NRP1: variants seen among roughly 807,000 people sequenced by gnomAD.
NRP1 encodes neuropilin-1.
Under a neutral mutation model 106.7 loss-of-function variants are expected in NRP1, and 35 were observed. The ratio of observed to expected loss-of-function variants is 0.33; its 90% CI spans 0.25 to 0.43. The LOEUF (loss-of-function observed/expected upper bound fraction) is 0.43, where lower values mean the gene tolerates loss of function less well. NRP1 is among the 20% of genes least tolerant of loss of function. The pLI is 1.00. For synonymous variants in NRP1, 437 were observed against 417.9 expected, an observed-to-expected ratio of 1.05 and a Z score of -0.56; for missense variants, 1,024 against 1,170.4, an observed-to-expected ratio of 0.87 and a Z score of 1.83.
chr10:33,228,214 T>C (rs932243040), intron 6 of NRP1, among the ~76,000 whole-genome samples: 4 of 152,042 alleles, frequency 2.6e-5, no homozygotes, highest in African/African-American at 9.7e-5. Context: ...TTACAACTAC[T>C]AGCATTGACA....
intron 6 of NRP1, among the ~76,000 whole-genome samples, chr10:33,251,273 C>G (rs570892025): frequency 0.013 from 2,001 of 152,302 alleles, 53 homozygotes; most frequent in African/African-American, 0.046. Context: ...CTTAACTTTC[C>G]TGCTTCCCCT....
At chr10:33,273,162 A>G (rs1402191701) in intron 2 of NRP1, among the ~76,000 whole-genome samples, 1 of 152,110 alleles carries the variant, frequency 6.6e-6, no homozygotes, top group Non-Finnish European at 1.5e-5. Flanking sequence ...GTTAAGTGCC[A>G]ATTTTAGGAA....
intron 9 of NRP1, among the ~76,000 whole-genome samples, chr10:33,208,262 A>G (rs1837980081): frequency 6.6e-6 from 1 of 152,170 alleles, no homozygotes; most frequent in African/African-American, 2.4e-5. Context: ...GATGTTGCCC[A>G]GGCTGGTCTC....
chr10:33,180,456 A>T, intron 16 of NRP1, 91 bp from the exon 17 acceptor site: 2 of 1,277,816 alleles, frequency 1.6e-6, no homozygotes, highest in African/African-American at 1.5e-5. Context: ...AACAGGAGCA[A>T]ATCACACACC....
chr10:33,322,813 A>G (rs1847613810), intron 2 of NRP1, among the ~76,000 whole-genome samples: 1 of 152,366 alleles, frequency 6.6e-6, no homozygotes, highest in East Asian at 1.9e-4. Context: ...TTATACTTAA[A>G]CTTTCCTGAG....
chr10:33,284,780 A>T (rs537115708), intron 2 of NRP1, among the ~76,000 whole-genome samples: 1 of 152,332 alleles, frequency 6.6e-6, no homozygotes, highest in Admixed American at 6.5e-5. Flanking sequence ...TCTGAGAGTT[A>T]TGAAACCCTG....
Position 33,188,910 on chromosome 10 carries a change from A to AATATATATATATATATATATATAT in NRP1, c.2063-2446_2063-2423dup, listed in dbSNP as rs9299704. Among the ~76,000 whole-genome samples, 194 of 111,288 alleles carry AATATATATATATATATATATATAT rather than the reference A, an allele frequency of 1.7e-3. 1 individual carries two copies. The highest frequency in any genetic ancestry group is 3.2e-3 in the East Asian group (9 of 2,786). The allele number at this position is 111,288 out of a possible 152,430, so 73.0% of individuals were successfully genotyped here. The stretch of plus-strand genomic sequence containing the variant: ...CCTAGGCAACAGAGACCCTGTCTTA[A>AATATATATATATATATATATATAT]ATATATATATATATATATATATATA... On this transcript the variant is annotated intron_variant, in intron 13 of 16. Coordinates refer to ENST00000374867, the MANE Select transcript of NRP1 (RefSeq NM_003873.7).
chr10:33,204,999 T>C (rs1373538236), intron 10 of NRP1, among the ~76,000 whole-genome samples: 1 of 152,224 alleles, frequency 6.6e-6, no homozygotes, highest in East Asian at 1.9e-4. Flanking sequence ...CCCAAAGTGC[T>C]GGGATTACAG....
At chr10:33,310,247 C>T (rs1023112312) in intron 2 of NRP1, among the ~76,000 whole-genome samples, 1 of 83,302 alleles carries the variant, frequency 1.2e-5, no homozygotes, top group Non-Finnish European at 2.7e-5. Flanking sequence ...CTGCGCCCGG[C>T]CTTTTTTTTT....
At chr10:33,329,122 A>G (rs928941359) in intron 2 of NRP1, among the ~76,000 whole-genome samples, 2 of 152,240 alleles carry the variant, frequency 1.3e-5, no homozygotes, top group African/African-American at 2.4e-5. Flanking sequence ...AAAAACCACC[A>G]TAAAGAATAT....
At chr10:33,266,385 G>C (rs1018355482) in intron 3 of NRP1, among the ~76,000 whole-genome samples, 2 of 152,162 alleles carry the variant, frequency 1.3e-5, no homozygotes, top group Admixed American at 6.5e-5. Context: ...GTGTAAACTT[G>C]GGTGGCCTCT....
intron 2 of NRP1, among the ~76,000 whole-genome samples, chr10:33,305,157 T>G (rs1846058746): frequency 6.6e-6 from 1 of 152,228 alleles, no homozygotes; most frequent in African/African-American, 2.4e-5. Flanking sequence ...TATCATATAT[T>G]TAGGTGAATA....
At chr10:33,220,585 G>A (rs10827216) in intron 8 of NRP1, among the ~76,000 whole-genome samples, 74,837 of 152,024 alleles carry the variant, frequency 0.49, 18,599 homozygotes, top group East Asian at 0.75. Flanking sequence ...GCAGAATATA[G>A]CATAGTCATG....
intron 16 of NRP1, among the ~76,000 whole-genome samples, chr10:33,180,920 G>C (rs927363263): frequency 6.6e-6 from 1 of 152,210 alleles, no homozygotes; most frequent in African/African-American, 2.4e-5. Flanking sequence ...AGTAAAGAAG[G>C]AGTGATTTTT....
At chr10:33,182,833 G>GCTCACACACACACA in intron 15 of NRP1, 85 bp from the exon 16 acceptor site, 1 of 746,332 alleles carries the variant, frequency 1.3e-6, no homozygotes, top group Non-Finnish European at 2.3e-6. Context: ...TTAGGTACAT[G>GCTCACACACACACA]CACACACACA....
chr10:33,331,715 A>G (rs2132980015), intron 1 of NRP1, among the ~76,000 whole-genome samples: 1 of 152,308 alleles, frequency 6.6e-6, no homozygotes, highest in South Asian at 2.1e-4. Context: ...AAAATGCTCA[A>G]GTGAAGCCAA....
intron 8 of NRP1, among the ~76,000 whole-genome samples, chr10:33,218,612 TG>T (rs1428572865): frequency 6.6e-6 from 1 of 152,184 alleles, no homozygotes; most frequent in Non-Finnish European, 1.5e-5. Context: ...CCCAAAGTGC[TG>T]GGATTACAGG....
intron 2 of NRP1, among the ~76,000 whole-genome samples, chr10:33,274,428 T>G (rs1843537772): frequency 6.6e-6 from 1 of 152,178 alleles, no homozygotes; most frequent in South Asian, 2.1e-4. Flanking sequence ...AGAGATTATT[T>G]TTTTTCTTTG....
intron 6 of NRP1, among the ~76,000 whole-genome samples, chr10:33,227,668 C>G (rs1235066105): frequency 6.6e-6 from 1 of 152,070 alleles, no homozygotes; most frequent in Non-Finnish European, 1.5e-5. Flanking sequence ...ACTAGCCTGT[C>G]TCATATCCTG....
Sources: gnomAD v4.1 joint callset for allele counts (sites outside exome capture counted in the v4.1 genomes callset) on GRCh38, gnomAD v4.1.1 for gene constraint, MANE v1.5 for transcripts, NCBI Gene and HGNC (gene_info 2026-07-23, HGNC 2026-07-21) for gene names.